The following GRM5 variants were observed in gnomAD, a reference collection of about 807,000 sequenced individuals.
GRM5 encodes the protein glutamate metabotropic receptor 5.
In GRM5, 19 loss-of-function variants were observed where a neutral mutation model predicts 83.1. The ratio of observed to expected loss-of-function variants is 0.23; its 90% CI spans 0.16 to 0.34. The LOEUF is 0.34. Ranked by LOEUF, GRM5 falls within the 10% of genes least tolerant of loss-of-function variation. The pLI is 1.00. For missense variants in GRM5, 1,160 were observed against 1,588.3 expected, an observed-to-expected ratio of 0.73 and a Z score of 4.58; for synonymous variants, 675 against 633.6, an observed-to-expected ratio of 1.07 and a Z score of -0.98.
intron 3 of GRM5, among the ~76,000 whole-genome samples, chr11:88,668,461 C>T (rs1940109162): frequency 6.6e-6 from 1 of 151,742 alleles, no homozygotes; most frequent in African/African-American, 2.4e-5. Context: ...TTTATAAGTC[C>T]AGAAAAACAG....
intron 2 of GRM5, among the ~76,000 whole-genome samples, chr11:88,987,089 C>A (rs1481613665): frequency 2.0e-5 from 3 of 152,042 alleles, no homozygotes; most frequent in Non-Finnish European, 4.4e-5. Context: ...GCATTTCCAT[C>A]TGAGGTACCG....
intron 2 of GRM5, among the ~76,000 whole-genome samples, chr11:88,956,670 G>C (rs975884672): frequency 6.6e-6 from 1 of 152,196 alleles, no homozygotes; most frequent in Non-Finnish European, 1.5e-5. Flanking sequence ...GCCGGGCGCG[G>C]TGGCGGGGGC....
At chr11:88,605,256 T>G (rs988801760) in intron 4 of GRM5, among the ~76,000 whole-genome samples, 5 of 152,166 alleles carry the variant, frequency 3.3e-5, no homozygotes, top group African/African-American at 1.2e-4. Flanking sequence ...TAGAACTGTA[T>G]TTCTGTACCA....
At chr11:89,054,077 A>G (rs1342970598) in intron 1 of GRM5, among the ~76,000 whole-genome samples, 2 of 152,186 alleles carry the variant, frequency 1.3e-5, no homozygotes, top group Non-Finnish European at 2.9e-5. Context: ...CAGCGGAGGA[A>G]CACATTCTAC....
intron 3 of GRM5, among the ~76,000 whole-genome samples, chr11:88,830,598 C>A (rs1484716196): frequency 6.6e-6 from 1 of 151,476 alleles, no homozygotes. Flanking sequence ...AGTGAGTGAC[C>A]CCTAATGGTC....
chr11:88,733,142 C>T (rs1941841475), intron 3 of GRM5, among the ~76,000 whole-genome samples: 1 of 151,900 alleles, frequency 6.6e-6, no homozygotes, highest in African/African-American at 2.4e-5. Context: ...CGTGTAGTTT[C>T]TCTGAGTATT....
chr11:88,637,190 C>G (rs1939153063), intron 4 of GRM5, among the ~76,000 whole-genome samples: 1 of 152,076 alleles, frequency 6.6e-6, no homozygotes, highest in Non-Finnish European at 1.5e-5. Flanking sequence ...AGACCTAAAA[C>G]CATAAAAACC....
At chr11:88,539,353 A>G (rs1185236086) in intron 8 of GRM5, among the ~76,000 whole-genome samples, 2 of 152,130 alleles carry the variant, frequency 1.3e-5, no homozygotes, top group African/African-American at 4.8e-5. Flanking sequence ...TTTGCCTTTG[A>G]CCCATAAGGG....
intron 3 of GRM5, among the ~76,000 whole-genome samples, chr11:88,814,271 G>A (rs1943632944): frequency 6.6e-6 from 1 of 152,136 alleles, no homozygotes; most frequent in East Asian, 1.9e-4. Context: ...ATTGCAACAG[G>A]AGTCTGAGGA....
intron 2 of GRM5, among the ~76,000 whole-genome samples, chr11:88,881,992 A>T (rs561964434): frequency 6.6e-6 from 1 of 152,286 alleles, no homozygotes; most frequent in South Asian, 2.1e-4. Flanking sequence ...CTGTAATTCC[A>T]GCACCTTGGG....
intron 3 of GRM5, among the ~76,000 whole-genome samples, chr11:88,816,575 T>C (rs1245078685): frequency 1.5e-5 from 2 of 133,856 alleles, no homozygotes; most frequent in African/African-American, 5.5e-5. Context: ...GAAAAAGAAA[T>C]TGGAAACAGA....
At chr11:88,990,348 T>G (rs1461168990) in intron 2 of GRM5, among the ~76,000 whole-genome samples, 26 of 151,728 alleles carry the variant, frequency 1.7e-4, no homozygotes, top group Admixed American at 5.3e-4. Flanking sequence ...AATAACAGGA[T>G]CTGAAATTGT....
intron 9 of GRM5, among the ~76,000 whole-genome samples, chr11:88,516,731 T>TG (rs944835609): frequency 5.3e-5 from 8 of 151,814 alleles, no homozygotes; most frequent in African/African-American, 1.9e-4. Flanking sequence ...TGGTTTTTTT[T>TG]TTTAATTGGA....
At chr11:89,064,888 C>CTCTCTCTCTCTCTCTG (rs1218318990) in intron 1 of GRM5, among the ~76,000 whole-genome samples, 33 of 62,262 alleles carry the variant, frequency 5.3e-4, no homozygotes, top group African/African-American at 2.1e-3. Flanking sequence ...CTCTCTCTCT[C>CTCTCTCTCTCTCTCTG]TGTGTGTGTG....
intron 2 of GRM5, among the ~76,000 whole-genome samples, chr11:88,974,252 G>A (rs771017106): frequency 1.3e-5 from 2 of 152,080 alleles, no homozygotes; most frequent in Non-Finnish European, 2.9e-5. Context: ...ACCCAACTGT[G>A]AGGGAAGCTG....
chr11:88,544,669 T>C (rs544381011), intron 8 of GRM5, among the ~76,000 whole-genome samples: 22 of 152,320 alleles, frequency 1.4e-4, no homozygotes, highest in African/African-American at 5.3e-4. Flanking sequence ...AAAGCCTCAG[T>C]GCTCCTTTTC....
At chr11:88,577,262 G>A (rs528202937) in intron 7 of GRM5, among the ~76,000 whole-genome samples, 22 of 152,000 alleles carry the variant, frequency 1.4e-4, no homozygotes, top group Non-Finnish European at 2.6e-4. Flanking sequence ...TTTAAGTATC[G>A]TTAAGTATTC....
At chr11:88,901,074 T>C (rs999836851) in intron 2 of GRM5, among the ~76,000 whole-genome samples, 1 of 152,138 alleles carries the variant, frequency 6.6e-6, no homozygotes. Context: ...ATCAGATCTT[T>C]AATGGAACTT....
At chr11:88,652,158 G>T (rs1565172458) in intron 4 of GRM5, among the ~76,000 whole-genome samples, 3 of 152,034 alleles carry the variant, frequency 2.0e-5, no homozygotes, top group African/African-American at 4.8e-5. Context: ...ACTCTAGTAA[G>T]ATTTTAGATA....
Sources: allele counts gnomAD v4.1 joint callset (sites outside exome capture counted in the v4.1 genomes callset), GRCh38; gene constraint gnomAD v4.1.1; transcripts MANE v1.5; gene names NCBI Gene and HGNC (gene_info 2026-07-23, HGNC 2026-07-21).